Variants in ETV6 observed in about 807,000 individuals in gnomAD.
The protein encoded by ETV6 is transcription factor ETV6.
A neutral mutation model predicts 51.1 loss-of-function variants in ETV6; 16 were observed. The ratio of observed to expected loss-of-function variants is 0.31; its 90% CI spans 0.21 to 0.48. The LOEUF (loss-of-function observed/expected upper bound fraction) is 0.48. ETV6 is among the 20% of genes least tolerant of loss of function. ETV6 has a pLI of 0.99. For missense variants in ETV6, 458 were observed against 594.8 expected (o/e 0.77, Z 2.39); for synonymous variants, 240 against 224.1 (o/e 1.07, Z -0.64).
At chr12:11,658,745 G>A (rs901785810) in intron 1 of ETV6, among the ~76,000 whole-genome samples, 1 of 152,228 alleles carries the variant, frequency 6.6e-6, no homozygotes, top group Admixed American at 6.5e-5. Flanking sequence ...CTCAACAATA[G>A]GAGAGATGAG....
chr12:11,790,040 C>T (rs556227821), intron 2 of ETV6, among the ~76,000 whole-genome samples: 5 of 151,996 alleles, frequency 3.3e-5, no homozygotes, highest in African/African-American at 1.2e-4. Flanking sequence ...CTTTATTTTT[C>T]ACCTCTTAAT....
chr12:11,772,804 A>G (rs1945261535), intron 2 of ETV6, among the ~76,000 whole-genome samples: 1 of 152,294 alleles, frequency 6.6e-6, no homozygotes, highest in Non-Finnish European at 1.5e-5. Context: ...TAAAATTTTT[A>G]TTTTAGAATC....
intron 1 of ETV6, among the ~76,000 whole-genome samples, chr12:11,715,616 A>AATCAGTAC (rs1284885043): frequency 7.9e-5 from 12 of 152,236 alleles, no homozygotes; most frequent in Non-Finnish European, 1.5e-4. Context: ...CTGCTTTCCT[A>AATCAGTAC]ATCAGTACTC....
chr12:11,827,070 T>TCACACACACA lies in ETV6; in HGVS notation c.164-12037_164-12028dup, dbSNP rs55959869. 5.4e-3 allele frequency among the ~76,000 whole-genome samples: 782 copies of TCACACACACA among 145,152 alleles called. 3 individuals carry two copies. Among genetic ancestry groups the TCACACACACA allele is most frequent in the Non-Finnish European group, 7.1e-3 (467 of 66,012 alleles). ...AGAATAGAATAGAGAGAAGTCTGTCTCACACACACACACACACACACACAC... is the reference window on the plus strand; with the variant it reads ...AGAATAGAATAGAGAGAAGTCTGTCTCACACACACACACACACACACACACACACACACAC... On this transcript the variant is annotated intron_variant, in intron 2 of 7. Transcript: ENST00000396373.
intron 5 of ETV6, among the ~76,000 whole-genome samples, chr12:11,879,238 C>T (rs1947048332): frequency 6.6e-6 from 1 of 152,198 alleles, no homozygotes; most frequent in Admixed American, 6.5e-5. Flanking sequence ...CATTTGCAGG[C>T]CTTCTTTAAA....
At chr12:11,838,546 G>C (rs913575779) in intron 2 of ETV6, among the ~76,000 whole-genome samples, 1 of 152,252 alleles carries the variant, frequency 6.6e-6, no homozygotes, top group Admixed American at 6.5e-5. Flanking sequence ...CTTATTGCCA[G>C]AGGCCAGCCT....
chr12:11,797,578 G>T (rs1945697368), intron 2 of ETV6, among the ~76,000 whole-genome samples: 1 of 152,154 alleles, frequency 6.6e-6, no homozygotes, highest in Non-Finnish European at 1.5e-5. Context: ...TTTTTAGGTG[G>T]CAGACAAGGG....
intron 1 of ETV6, among the ~76,000 whole-genome samples, chr12:11,674,878 C>A (rs1160316137): frequency 6.6e-6 from 1 of 152,124 alleles, no homozygotes; most frequent in Non-Finnish European, 1.5e-5. Context: ...CCACCAATTC[C>A]CCGCTTCCCT....
At chr12:11,811,996 T>C (rs1945920590) in intron 2 of ETV6, among the ~76,000 whole-genome samples, 2 of 152,244 alleles carry the variant, frequency 1.3e-5, no homozygotes, top group Admixed American at 1.3e-4. Context: ...AAAGCATCGC[T>C]TTGCAATCAG....
In ETV6 at chr12:11,866,174, T is replaced by A. The variant is rs1277467756; in HGVS notation, c.464-3250T>A. On this transcript the variant is annotated intron_variant, in intron 4 of 7. Transcript: ENST00000396373. Reference sequence around the variant, plus strand: ...TCTTTCATTTCAGATATTATACTTTTCAGTTATAGAATCTTTATTTTGCCT... The same window carrying A: ...TCTTTCATTTCAGATATTATACTTTACAGTTATAGAATCTTTATTTTGCCT... Among the ~76,000 whole-genome samples the A allele has an allele frequency of 2.0e-5, 3 of 152,230 alleles. No homozygotes were observed. The South Asian group carries it at 6.2e-4, about 31-fold the overall frequency.
intron 1 of ETV6, among the ~76,000 whole-genome samples, chr12:11,710,283 A>G (rs923028324): frequency 9.2e-5 from 14 of 151,528 alleles, no homozygotes; most frequent in East Asian, 7.7e-4. Flanking sequence ...ACTCATGTCT[A>G]TGGTTTCCCG....
chr12:11,886,792 A>G (rs1361675508), intron 7 of ETV6, among the ~76,000 whole-genome samples: 1 of 152,206 alleles, frequency 6.6e-6, no homozygotes, highest in South Asian at 2.1e-4. Context: ...TGAAGGACCA[A>G]TCAGGAGATG....
chr12:11,813,839 C>T (rs1945949838), intron 2 of ETV6, among the ~76,000 whole-genome samples: 1 of 152,164 alleles, frequency 6.6e-6, no homozygotes. Context: ...AGGCCAGGGC[C>T]GTGGACATAG....
At chr12:11,776,013 A>G (rs1316026374) in intron 2 of ETV6, among the ~76,000 whole-genome samples, 1 of 152,360 alleles carries the variant, frequency 6.6e-6, no homozygotes, top group East Asian at 1.9e-4. Context: ...AGTGCCAGGC[A>G]TCAAGCCTGC....
At chr12:11,659,819 G>A (rs1266102082) in intron 1 of ETV6, among the ~76,000 whole-genome samples, 1 of 152,136 alleles carries the variant, frequency 6.6e-6, no homozygotes, top group Non-Finnish European at 1.5e-5. Context: ...GGAAGTTCTG[G>A]CACTGCTAAG....
At chr12:11,685,510 A>G (rs376891657) in intron 1 of ETV6, among the ~76,000 whole-genome samples, 2 of 152,076 alleles carry the variant, frequency 1.3e-5, no homozygotes, top group African/African-American at 4.8e-5. Flanking sequence ...AAAAGTGACA[A>G]CTTTTTTTTC....
intron 2 of ETV6, among the ~76,000 whole-genome samples, chr12:11,821,684 T>C (rs1006761544): frequency 1.3e-5 from 2 of 151,866 alleles, no homozygotes; most frequent in Admixed American, 6.6e-5. Context: ...AAAAAAAATG[T>C]GTTTTAGATT....
At chr12:11,655,965 C>T (rs181780225) in intron 1 of ETV6, among the ~76,000 whole-genome samples, 22 of 152,314 alleles carry the variant, frequency 1.4e-4, no homozygotes, top group Admixed American at 7.2e-4. Flanking sequence ...TGTTCTACAA[C>T]AACCAGTTGT....
At chr12:11,678,824 A>G (rs1640780858) in intron 1 of ETV6, among the ~76,000 whole-genome samples, 4 of 152,154 alleles carry the variant, frequency 2.6e-5, no homozygotes, top group Admixed American at 2.6e-4. Context: ...GGAGAAGATG[A>G]GATGAGATGT....
Sources: gnomAD v4.1 joint callset for allele counts (sites outside exome capture counted in the v4.1 genomes callset) on GRCh38, gnomAD v4.1.1 for gene constraint, MANE v1.5 for transcripts, NCBI Gene and HGNC (gene_info 2026-07-23, HGNC 2026-07-21) for gene names.